TFEC: variants seen among roughly 807,000 people sequenced by gnomAD.
The protein encoded by TFEC is transcription factor EC, also known as class E basic helix-loop-helix protein 34.
Under a neutral mutation model 41.6 loss-of-function variants are expected in TFEC, and 31 were observed. The ratio of observed to expected loss-of-function variants is 0.74; its 90% CI spans 0.56 to 1.01. TFEC has a LOEUF of 1.01. Among genes scored for constraint, TFEC ranks in the 50% least tolerant of loss-of-function variants. TFEC has a pLI of 0.00. For synonymous variants in TFEC, 143 were observed against 140.6 expected (o/e 1.02, Z -0.12); for missense variants, 402 against 404.1 (o/e 0.99, Z 0.04).
chr7:115,997,562 GCATAAAAACCTTA>G (rs1401563331), intron 1 of TFEC, among the ~76,000 whole-genome samples: 2 of 150,954 alleles, frequency 1.3e-5, no homozygotes, highest in Non-Finnish European at 3.0e-5. Flanking sequence ...ACATCCACAA[GCATAAAAACCTTA>G]CAGGAAAATA....
In TFEC at chr7:115,939,920, A is replaced by G. The variant is rs1037471055; in HGVS notation, c.*631T>C. 3 of 152,094 alleles carry G rather than the reference A, an allele frequency of 2.0e-5. No individual in the cohort carries two copies. Among genetic ancestry groups the G allele is most frequent in the African/African-American group, 7.2e-5 (3 of 41,456 alleles). The allele number at this position is 152,094 out of a possible 1,614,324, so 9.4% of individuals were successfully genotyped here. On this transcript the variant is annotated 3_prime_UTR_variant, in exon 8 of 8. Transcript: ENST00000265440. Reference sequence around the variant, plus strand: ...TAGTGTAATTGAACCAACTACAATAAAATGAGGATCTAATTTTAGTAACCA... The same window carrying G: ...TAGTGTAATTGAACCAACTACAATAGAATGAGGATCTAATTTTAGTAACCA...
At chr7:116,153,262 TTTTG>T (rs1454530661) in intron 1 of TFEC, among the ~76,000 whole-genome samples, 1 of 152,030 alleles carries the variant, frequency 6.6e-6, no homozygotes. Context: ...TTTCGTTTTG[TTTTG>T]TTTTTTTGAG....
chr7:115,976,698 C>T (rs1793396839), intron 2 of TFEC, among the ~76,000 whole-genome samples: 1 of 152,258 alleles, frequency 6.6e-6, no homozygotes, highest in African/African-American at 2.4e-5. Flanking sequence ...TATTCTACCA[C>T]TAAACGGGCA....
chr7:115,968,488 A>G (rs1792977619), intron 3 of TFEC, among the ~76,000 whole-genome samples: 1 of 151,858 alleles, frequency 6.6e-6, no homozygotes, highest in Non-Finnish European at 1.5e-5. Flanking sequence ...GTTTACTTAG[A>G]CTACCAAATG....
At chr7:115,995,535 T>G (rs1253794416) in intron 1 of TFEC, among the ~76,000 whole-genome samples, 1 of 152,102 alleles carries the variant, frequency 6.6e-6, no homozygotes, top group Non-Finnish European at 1.5e-5. Flanking sequence ...ATGGGGAAGA[T>G]GGCCGAATAG....
chr7:115,970,615 G>A (rs1415214697), intron 3 of TFEC, among the ~76,000 whole-genome samples: 2 of 152,024 alleles, frequency 1.3e-5, no homozygotes, highest in African/African-American at 4.8e-5. Flanking sequence ...ATATATTCAT[G>A]ATCTAGAAGG....
At chr7:116,080,680 A>C (rs1263609222) in intron 3 of TFEC, among the ~76,000 whole-genome samples, 1 of 152,076 alleles carries the variant, frequency 6.6e-6, no homozygotes, top group South Asian at 2.1e-4. Flanking sequence ...ATATCAAAAA[A>C]TCAAAAAATA....
At position 115,937,569 on chromosome 7, in the gene TFEC, T is replaced by G. The variant is rs771857993; in HGVS notation, c.*2982A>C. 1 of 151,818 alleles carries G rather than the reference T, an allele frequency of 6.6e-6. No individual in the cohort carries two copies. The highest frequency in any genetic ancestry group is 2.4e-5 in the African/African-American group (1 of 41,424). 9.4% of individuals were successfully genotyped at this position (151,818 alleles called of 1,614,324 possible). A position where few individuals can be genotyped will look rare whatever the true frequency, so the allele number is the denominator to read the frequency against. ...GTGAAACTGACCCATATATAATAAA[T>G]AGAAGGCATAGTTTGCTGAGTGGGG... On this transcript the variant is annotated 3_prime_UTR_variant, in exon 8 of 8. Coordinates refer to ENST00000265440, the MANE Select transcript of TFEC (RefSeq NM_012252.4).
At chr7:115,987,665 T>A (rs1461928914) in intron 1 of TFEC, among the ~76,000 whole-genome samples, 1 of 152,140 alleles carries the variant, frequency 6.6e-6, no homozygotes, top group Non-Finnish European at 1.5e-5. Context: ...AGGACTGTAT[T>A]TATCTTGCTG....
At position 115,935,459 on chromosome 7, in the gene TFEC, T is replaced by C. The variant is rs1584532612; in HGVS notation, c.*5092A>G. The C allele has an allele frequency of 6.6e-6, 1 of 152,208 alleles. No homozygotes were observed. Among genetic ancestry groups the C allele is most frequent in the East Asian group, 1.9e-4 (1 of 5,188 alleles). The allele number at this position is 152,208 out of a possible 1,614,324, so 9.4% of individuals were successfully genotyped here. On this transcript the variant is annotated 3_prime_UTR_variant, in exon 8 of 8. Transcript: ENST00000265440. ...TTTAACTACATAATAATTATTAAGA[T>C]TAAATAGCTGAATTAATTTTAGCCT...
intron 1 of TFEC, among the ~76,000 whole-genome samples, chr7:116,017,488 T>G (rs1286248855): frequency 1.3e-5 from 2 of 152,148 alleles, no homozygotes; most frequent in African/African-American, 4.8e-5. Flanking sequence ...CCCAAAGTGC[T>G]GGGATTACAG....
chr7:115,949,801 A>T (rs1791829993), intron 6 of TFEC, among the ~76,000 whole-genome samples: 1 of 152,146 alleles, frequency 6.6e-6, no homozygotes, highest in Non-Finnish European at 1.5e-5. Context: ...CAAGGACTTC[A>T]TGTCTAAAAC....
chr7:116,121,565 T>A (rs951855756), intron 1 of TFEC: 1 of 152,056 alleles, frequency 6.6e-6, no homozygotes, highest in East Asian at 1.9e-4. Flanking sequence ...GAGTTTTAGG[T>A]TATGTGAATT....
At chr7:115,987,440 T>C (rs1225359898) in intron 1 of TFEC, among the ~76,000 whole-genome samples, 1 of 152,218 alleles carries the variant, frequency 6.6e-6, no homozygotes, top group African/African-American at 2.4e-5. Flanking sequence ...TAACTGGATG[T>C]GCCAATATTT....
At chr7:116,028,735 T>A (rs1282000213) in intron 1 of TFEC, among the ~76,000 whole-genome samples, 1 of 152,222 alleles carries the variant, frequency 6.6e-6, no homozygotes, top group African/African-American at 2.4e-5. Context: ...AAACGATTTA[T>A]AAAAGATTAA....
At position 115,940,367 on chromosome 7, in the gene TFEC, A is replaced by G. The variant is rs1444713311; in HGVS notation, c.*184T>C. 9 of 622,190 alleles carry G rather than the reference A, an allele frequency of 1.4e-5. No individual in the cohort carries two copies. Among genetic ancestry groups the G allele is most frequent in the East Asian group, 3.0e-5 (1 of 32,838 alleles). 38.5% of individuals were successfully genotyped at this position (622,190 alleles called of 1,614,324 possible). ...AGAAAACACCTTTTTTTCGCCCTCAATAATTCATTAACACTATGATTTTTC... is the reference window on the plus strand; with the variant it reads ...AGAAAACACCTTTTTTTCGCCCTCAGTAATTCATTAACACTATGATTTTTC... On this transcript the variant is annotated 3_prime_UTR_variant, in exon 8 of 8. Coordinates refer to ENST00000265440, the MANE Select transcript of TFEC (RefSeq NM_012252.4).
At chr7:116,006,574 C>G (rs1794798659) in intron 1 of TFEC, among the ~76,000 whole-genome samples, 1 of 152,188 alleles carries the variant, frequency 6.6e-6, no homozygotes, top group South Asian at 2.1e-4. Context: ...AACTAACTTG[C>G]TTTTGATTTT....
At chr7:116,130,212 C>A (rs1798304774) in intron 1 of TFEC, among the ~76,000 whole-genome samples, 1 of 152,178 alleles carries the variant, frequency 6.6e-6, no homozygotes, top group African/African-American at 2.4e-5. Flanking sequence ...CTCACTAACA[C>A]TGCATTTATC....
chr7:116,052,862 G>A (rs1796345063), intron 3 of TFEC, among the ~76,000 whole-genome samples: 1 of 151,768 alleles, frequency 6.6e-6, no homozygotes, highest in Admixed American at 6.6e-5. Context: ...GAGGTCAGGA[G>A]ATCGAGACCA....
Sources: gnomAD v4.1 joint callset for allele counts (sites outside exome capture counted in the v4.1 genomes callset) on GRCh38, gnomAD v4.1.1 for gene constraint, MANE v1.5 for transcripts, NCBI Gene and HGNC (gene_info 2026-07-23, HGNC 2026-07-21) for gene names.